The following CPA6 variants were observed in gnomAD, a reference collection of about 807,000 sequenced individuals.
CPA6 encodes carboxypeptidase B.
A neutral mutation model predicts 63.3 loss-of-function variants in CPA6; 58 were observed. The observed-to-expected ratio is 0.92, with a 90% CI of 0.74 to 1.14. The LOEUF (loss-of-function observed/expected upper bound fraction) is 1.14, where lower values mean the gene tolerates loss of function less well. Ranked by LOEUF, CPA6 falls within the 50% of genes most tolerant of loss-of-function variation. The pLI, the probability that CPA6 is intolerant of heterozygous loss-of-function variation, is 0.00. For missense variants in CPA6, 565 were observed against 526.6 expected (o/e 1.07, Z -0.71); for synonymous variants, 185 against 179.0 (o/e 1.03, Z -0.27).
At chr8:67,689,488 A>G (rs541515140) in intron 1 of CPA6, among the ~76,000 whole-genome samples, 2 of 152,178 alleles carry the variant, frequency 1.3e-5, no homozygotes, top group East Asian at 3.9e-4. Context: ...ATGAGTACCC[A>G]TTGTTTAGCT....
intron 1 of CPA6, among the ~76,000 whole-genome samples, chr8:67,666,366 T>C (rs934613618): frequency 6.6e-6 from 1 of 152,148 alleles, no homozygotes. Flanking sequence ...TACCCATTCC[T>C]TTTGGGAAAA....
intron 1 of CPA6, among the ~76,000 whole-genome samples, chr8:67,630,638 C>T (rs1011705610): frequency 1.3e-5 from 2 of 152,226 alleles, no homozygotes; most frequent in Non-Finnish European, 2.9e-5. Flanking sequence ...TTGGGGAACC[C>T]TTGAGCCCGC....
chr8:67,616,860 A>C (rs1814967750), intron 2 of CPA6, among the ~76,000 whole-genome samples: 1 of 152,108 alleles, frequency 6.6e-6, no homozygotes, highest in African/African-American at 2.4e-5. Context: ...CCCAGCCTAG[A>C]GCCTGCCAAC....
chr8:67,699,483 G>A (rs971064939), intron 1 of CPA6, among the ~76,000 whole-genome samples: 2 of 151,384 alleles, frequency 1.3e-5, no homozygotes, highest in African/African-American at 2.4e-5. Flanking sequence ...AGAAAAACAG[G>A]CAAATAAATA....
At chr8:67,707,702 T>C (rs1587717350) in intron 1 of CPA6, among the ~76,000 whole-genome samples, 1 of 151,378 alleles carries the variant, frequency 6.6e-6, no homozygotes, top group Non-Finnish European at 1.5e-5. Flanking sequence ...AGGTCAGGAG[T>C]TCAAGACCAG....
intron 8 of CPA6, among the ~76,000 whole-genome samples, chr8:67,443,765 C>G (rs1810348417): frequency 6.6e-6 from 1 of 152,110 alleles, no homozygotes; most frequent in African/African-American, 2.4e-5. Flanking sequence ...AGAGGCAAGT[C>G]TATAATCAGG....
intron 8 of CPA6, among the ~76,000 whole-genome samples, chr8:67,436,472 A>G (rs1373308621): frequency 1.3e-5 from 2 of 151,918 alleles, no homozygotes; most frequent in African/African-American, 2.4e-5. Flanking sequence ...AGACATATGT[A>G]AAGGTATCTG....
intron 1 of CPA6, among the ~76,000 whole-genome samples, chr8:67,674,033 C>A (rs1816413988): frequency 6.6e-6 from 1 of 152,132 alleles, no homozygotes; most frequent in African/African-American, 2.4e-5. Flanking sequence ...TTTATATGTA[C>A]CGTGTTACCA....
chr8:67,605,772 T>C (rs1348570026), intron 2 of CPA6, among the ~76,000 whole-genome samples: 1 of 152,188 alleles, frequency 6.6e-6, no homozygotes, highest in East Asian at 1.9e-4. Flanking sequence ...CCCTCGTTTC[T>C]GAGGCAAATA....
chr8:67,586,369 G>C (rs2128979628), intron 2 of CPA6, among the ~76,000 whole-genome samples: 1 of 152,250 alleles, frequency 6.6e-6, no homozygotes, highest in Admixed American at 6.5e-5. Flanking sequence ...CAAAAGCCAT[G>C]ATACATGCCA....
At chr8:67,557,269 G>T (rs1262759582) in intron 2 of CPA6, among the ~76,000 whole-genome samples, 2 of 152,132 alleles carry the variant, frequency 1.3e-5, no homozygotes, top group Non-Finnish European at 2.9e-5. Flanking sequence ...CTGACTAGTG[G>T]AAGGTGAAGC....
chr8:67,667,275 C>A (rs762744374), intron 1 of CPA6, among the ~76,000 whole-genome samples: 13 of 152,152 alleles, frequency 8.5e-5, no homozygotes, highest in Non-Finnish European at 1.6e-4. Context: ...AACGATGCCA[C>A]AGGCCGCTTG....
At chr8:67,714,917 A>T (rs1817346362) in intron 1 of CPA6, among the ~76,000 whole-genome samples, 1 of 152,188 alleles carries the variant, frequency 6.6e-6, no homozygotes, top group Non-Finnish European at 1.5e-5. Flanking sequence ...TACATTTTTA[A>T]AGCCCAGACT....
intron 1 of CPA6, among the ~76,000 whole-genome samples, chr8:67,689,274 C>CAAAAA (rs145407385): frequency 2.7e-3 from 413 of 151,450 alleles, no homozygotes; most frequent in African/African-American, 9.3e-3. Context: ...ACTTCTTCTT[C>CAAAAA]AAAAAAATTC....
intron 2 of CPA6, among the ~76,000 whole-genome samples, chr8:67,619,532 G>A (rs1815032930): frequency 6.6e-6 from 1 of 152,086 alleles, no homozygotes; most frequent in African/African-American, 2.4e-5. Context: ...TTCTACCCAA[G>A]TTCCTGCAGC....
intron 1 of CPA6, among the ~76,000 whole-genome samples, chr8:67,742,169 GTTCT>G (rs1371795726): frequency 6.6e-6 from 1 of 151,984 alleles, no homozygotes; most frequent in African/African-American, 2.4e-5. Flanking sequence ...ACAACAGAAA[GTTCT>G]TTCTTCTTCT....
intron 2 of CPA6, among the ~76,000 whole-genome samples, chr8:67,596,784 C>T (rs1814348973): frequency 6.6e-6 from 1 of 152,136 alleles, no homozygotes; most frequent in South Asian, 2.1e-4. Context: ...TCTTTGGTCT[C>T]CTTTAATTTA....
At chr8:67,436,320 C>T (rs1307048937) in intron 8 of CPA6, among the ~76,000 whole-genome samples, 2 of 151,444 alleles carry the variant, frequency 1.3e-5, no homozygotes, top group Non-Finnish European at 2.9e-5. Context: ...CAGGCTCCGG[C>T]CTTGTCAGTC....
At chr8:67,423,650 GAA>G (rs1809817465) in intron 10 of CPA6, among the ~76,000 whole-genome samples, 1 of 152,194 alleles carries the variant, frequency 6.6e-6, no homozygotes, top group South Asian at 2.1e-4. Flanking sequence ...GGGAGCTAGA[GAA>G]AGTCTTTGCT....
Sources: allele counts gnomAD v4.1 joint callset (sites outside exome capture counted in the v4.1 genomes callset), GRCh38; gene constraint gnomAD v4.1.1; transcripts MANE v1.5; gene names NCBI Gene and HGNC (gene_info 2026-07-23, HGNC 2026-07-21).